SMG6: variants seen among roughly 807,000 people sequenced by gnomAD.
SMG6 encodes the protein SMG6 nonsense mediated mRNA decay factor.
In SMG6, 66 loss-of-function variants were observed where a neutral mutation model predicts 142.2. The ratio of observed to expected loss-of-function variants is 0.46; its 90% CI spans 0.38 to 0.57. The LOEUF is 0.57. Among genes scored for constraint, SMG6 ranks in the 20% least tolerant of loss-of-function variants. The probability of loss-of-function intolerance (pLI) is 0.00; values close to 1 mark genes in which losing one functional copy is unlikely to be tolerated. For synonymous variants in SMG6, 779 were observed against 702.4 expected, an observed-to-expected ratio of 1.11 and a Z score of -1.72; for missense variants, 1,793 against 1,832.0, an observed-to-expected ratio of 0.98 and a Z score of 0.39.
intron 10 of SMG6, among the ~76,000 whole-genome samples, chr17:2,196,282 C>G (rs1054997811): frequency 1.3e-5 from 2 of 151,994 alleles, no homozygotes; most frequent in African/African-American, 2.4e-5. Flanking sequence ...ATTAGCTGGG[C>G]GTGGCGGCGC....
intron 10 of SMG6, among the ~76,000 whole-genome samples, chr17:2,230,598 C>T (rs982820436): frequency 3.3e-5 from 5 of 152,116 alleles, no homozygotes; most frequent in African/African-American, 1.2e-4. Context: ...AAAACAAGGA[C>T]CCTGGAACCC....
At chr17:2,256,484 A>C (rs1009622127) in intron 8 of SMG6, among the ~76,000 whole-genome samples, 1 of 152,158 alleles carries the variant, frequency 6.6e-6, no homozygotes, top group Admixed American at 6.6e-5. Context: ...ACTAAAGGCC[A>C]AGCACGGTGG....
At chr17:2,093,751 TCA>T (rs1048095878) in intron 13 of SMG6, among the ~76,000 whole-genome samples, 50 of 152,278 alleles carry the variant, frequency 3.3e-4, no homozygotes, top group African/African-American at 1.2e-3. Flanking sequence ...TGCAGCAGGC[TCA>T]GTCTCTTGAG....
intron 15 of SMG6, among the ~76,000 whole-genome samples, chr17:2,076,588 C>T (rs1352010005): frequency 2.0e-5 from 3 of 152,174 alleles, no homozygotes. Context: ...ACAGCCACCT[C>T]GGCACAGACT....
chr17:2,199,199 T>C (rs2072433960), intron 10 of SMG6, among the ~76,000 whole-genome samples: 2 of 152,294 alleles, frequency 1.3e-5, no homozygotes, highest in South Asian at 2.1e-4. Context: ...CTCAAACCAA[T>C]GGTATGCACA....
rs559786653 is a variant in SMG6, at chr17:2,282,969, G to C, written c.2449-110C>G. 3.3e-5 allele frequency: 34 copies of C among 1,018,348 alleles called. No individual in the cohort carries two copies. The African/African-American group carries it at 5.4e-4, about 16-fold the overall frequency. 63.1% of individuals were successfully genotyped at this position (1,018,348 alleles called of 1,614,324 possible). A position where few individuals can be genotyped will look rare whatever the true frequency, so the allele number is the denominator to read the frequency against. On this transcript the variant is annotated intron_variant, in intron 7 of 18. Transcript: ENST00000263073. ...GCGGATCACTTGAGGTCAGGAGTTTGAGACCAGCCTGACCAACATAGTGAA... is the reference window on the plus strand; with the variant it reads ...GCGGATCACTTGAGGTCAGGAGTTTCAGACCAGCCTGACCAACATAGTGAA...
chr17:2,145,598 G>C (rs575665122), intron 13 of SMG6, among the ~76,000 whole-genome samples: 1 of 121,222 alleles, frequency 8.2e-6, no homozygotes, highest in Non-Finnish European at 1.6e-5. Context: ...CCGAGATCGC[G>C]CCACTGCACT....
chr17:2,118,464 G>A (rs1188748191), intron 13 of SMG6, among the ~76,000 whole-genome samples: 2 of 152,152 alleles, frequency 1.3e-5, no homozygotes, highest in African/African-American at 4.8e-5. Context: ...ACTTGAACCT[G>A]GGGAGTAGAG....
chr17:2,095,797 C>T (rs1421735874), intron 13 of SMG6, among the ~76,000 whole-genome samples: 1 of 152,248 alleles, frequency 6.6e-6, no homozygotes. Context: ...TTGGGCTTAG[C>T]CTTGCTATCA....
intron 13 of SMG6, among the ~76,000 whole-genome samples, chr17:2,170,326 C>A (rs1474027426): frequency 6.6e-6 from 1 of 152,140 alleles, no homozygotes; most frequent in East Asian, 1.9e-4. Context: ...GCTGAGAGAG[C>A]TGATGAAGAT....
At chr17:2,276,577 G>A (rs2074654172) in intron 8 of SMG6, among the ~76,000 whole-genome samples, 6 of 151,984 alleles carry the variant, frequency 3.9e-5, no homozygotes, top group Admixed American at 3.9e-4. Context: ...GTAGAGACAG[G>A]GTTTCACTAT....
At chr17:2,156,989 G>A (rs954597641) in intron 13 of SMG6, among the ~76,000 whole-genome samples, 2 of 152,156 alleles carry the variant, frequency 1.3e-5, no homozygotes, top group African/African-American at 4.8e-5. Context: ...AACAGTAAGG[G>A]AAGGGTTTAA....
chr17:2,065,433 G>C, intron 17 of SMG6, 35 bp downstream of exon 17: 2 of 1,588,322 alleles, frequency 1.3e-6, no homozygotes, highest in Non-Finnish European at 1.7e-6. Flanking sequence ...CTGGAAGCTG[G>C]CTGTGGGCTT....
At chr17:2,098,622 T>G (rs140395140) in intron 13 of SMG6, among the ~76,000 whole-genome samples, 251 of 152,318 alleles carry the variant, frequency 1.6e-3, no homozygotes, top group African/African-American at 5.6e-3. Flanking sequence ...CAGGTTTATG[T>G]TACATACTTT....
At chr17:2,236,734 CACACACACACACACACACCA>C in intron 9 of SMG6, 97 bp from the exon 10 acceptor site, 1 of 1,361,320 alleles carries the variant, frequency 7.3e-7, no homozygotes, top group Admixed American at 2.7e-5. Context: ...CACACACACA[CACACACACACACACACACCA>C]GACAACTACT....
At chr17:2,284,417 A>C (rs1436596840) in intron 6 of SMG6, among the ~76,000 whole-genome samples, 1 of 152,224 alleles carries the variant, frequency 6.6e-6, no homozygotes, top group Admixed American at 6.5e-5. Flanking sequence ...AAATTCAGCA[A>C]GTCTATTTAT....
Position 2,186,815 on chromosome 17 carries a change from A to G in SMG6, c.3003T>C (p.Pro1001=). 1 of 1,614,156 alleles carries G rather than the reference A, an allele frequency of 6.2e-7. No individual in the cohort carries two copies. The highest frequency in any genetic ancestry group is 8.5e-7 in the Non-Finnish European group (1 of 1,180,022). ...KESAKAQLSS[P]EDQDDQDDIK... The stretch of plus-strand genomic sequence containing the variant: ...TGTCGTCTTGGTCATCCTGGTCCTC[A>G]GGAGAGGACAGCTGAGCTGCAGAGG... Residue 1001 remains proline (P), a synonymous_variant, in exon 12 of 19, where the codon CCT becomes CCC. Transcript: ENST00000263073.
At chr17:2,196,753 C>T (rs1222240473) in intron 10 of SMG6, among the ~76,000 whole-genome samples, 2 of 152,018 alleles carry the variant, frequency 1.3e-5, no homozygotes, top group Non-Finnish European at 2.9e-5. Context: ...AGAAAGGGGC[C>T]GGGCATGGTG....
intron 10 of SMG6, among the ~76,000 whole-genome samples, chr17:2,196,240 G>T (rs2072321092): frequency 6.6e-6 from 1 of 152,092 alleles, no homozygotes; most frequent in African/African-American, 2.4e-5. Flanking sequence ...TGGCCAACAT[G>T]GTGAAACCCT....
Sources: allele counts gnomAD v4.1 joint callset (sites outside exome capture counted in the v4.1 genomes callset), GRCh38; gene constraint gnomAD v4.1.1; transcripts MANE v1.5; gene names NCBI Gene and HGNC (gene_info 2026-07-23, HGNC 2026-07-21).